NEDD4L: variants seen among roughly 807,000 people sequenced by gnomAD.
The protein encoded by NEDD4L is NEDD4 like E3 ubiquitin protein ligase, also known as E3 ubiquitin-protein ligase NEDD4-like.
In NEDD4L, 54 loss-of-function variants were observed where a neutral mutation model predicts 148.9. That is an observed-to-expected ratio of 0.36 (90% CI 0.29 to 0.45). The LOEUF is 0.45. Ranked by LOEUF, NEDD4L falls within the 20% of genes least tolerant of loss-of-function variation. The probability of loss-of-function intolerance (pLI) is 1.00; values close to 1 mark genes in which losing one functional copy is unlikely to be tolerated. For synonymous variants in NEDD4L, 433 were observed against 440.7 expected, an observed-to-expected ratio of 0.98 and a Z score of 0.22; for missense variants, 856 against 1,233.8, an observed-to-expected ratio of 0.69 and a Z score of 4.59.
At chr18:58,351,868 A>G (rs1318263639) in intron 18 of NEDD4L, among the ~76,000 whole-genome samples, 2 of 152,346 alleles carry the variant, frequency 1.3e-5, no homozygotes, top group Admixed American at 1.3e-4. Flanking sequence ...ACAATTTCAT[A>G]ACTAAACAAA....
chr18:58,050,798 G>A (rs550078069), intron 1 of NEDD4L, among the ~76,000 whole-genome samples: 1 of 152,170 alleles, frequency 6.6e-6, no homozygotes, highest in Non-Finnish European at 1.5e-5. Flanking sequence ...TTTGCTTAAA[G>A]GGTGAGGACA....
At chr18:58,161,594 C>T (rs2036225763) in intron 1 of NEDD4L, among the ~76,000 whole-genome samples, 1 of 151,958 alleles carries the variant, frequency 6.6e-6, no homozygotes, top group Non-Finnish European at 1.5e-5. Flanking sequence ...GCAGCTATAT[C>T]ATTGACATTT....
chr18:58,129,924 G>A (rs965443815), intron 1 of NEDD4L, among the ~76,000 whole-genome samples: 1 of 147,596 alleles, frequency 6.8e-6, no homozygotes, highest in Non-Finnish European at 1.5e-5. Context: ...TTGTGATCTA[G>A]TGGAACTGTG....
chr18:58,073,267 A>G (rs1332899976), intron 1 of NEDD4L, among the ~76,000 whole-genome samples: 1 of 152,180 alleles, frequency 6.6e-6, no homozygotes, highest in African/African-American at 2.4e-5. Flanking sequence ...TCACATGGAA[A>G]TGTAAGGGAC....
intron 5 of NEDD4L, among the ~76,000 whole-genome samples, chr18:58,276,212 T>TGGGGGGG (rs58442069): frequency 9.7e-6 from 1 of 103,444 alleles, no homozygotes; most frequent in African/African-American, 3.6e-5. Flanking sequence ...TTTTTTTTTT[T>TGGGGGGG]GGGTGGGGAG....
intron 30 of NEDD4L, 70 bp from the exon 31 acceptor site, chr18:58,396,097 C>A: frequency 2.0e-6 from 2 of 1,020,698 alleles, no homozygotes; most frequent in Non-Finnish European, 3.0e-6. Flanking sequence ...ACTCAAACCT[C>A]ATGCCCTATT....
At chr18:58,254,779 GCTGTGATAGCAGGAGGGCT>G (rs1188976862) in intron 5 of NEDD4L, among the ~76,000 whole-genome samples, 6 of 152,158 alleles carry the variant, frequency 3.9e-5, no homozygotes, top group Non-Finnish European at 8.8e-5. Flanking sequence ...AATGAAAAAT[GCTGTGATAGCAGGAGGGCT>G]CTGCTTGGCT....
At chr18:58,269,844 G>A (rs1303739029) in intron 5 of NEDD4L, among the ~76,000 whole-genome samples, 3 of 149,566 alleles carry the variant, frequency 2.0e-5, no homozygotes, top group Non-Finnish European at 4.5e-5. Flanking sequence ...TTCTAGAGGT[G>A]GGAGATGTCC....
intron 1 of NEDD4L, among the ~76,000 whole-genome samples, chr18:58,105,956 T>C (rs960475924): frequency 6.6e-6 from 1 of 152,136 alleles, no homozygotes; most frequent in Non-Finnish European, 1.5e-5. Context: ...TTCCAGAAAT[T>C]GTTATGAAAA....
At chr18:58,321,658 T>C (rs1369477922) in intron 6 of NEDD4L, among the ~76,000 whole-genome samples, 2 of 152,234 alleles carry the variant, frequency 1.3e-5, no homozygotes, top group African/African-American at 2.4e-5. Flanking sequence ...ACAAACCTGA[T>C]ACAGTAAATC....
At chr18:58,375,428 C>T (rs2047438537) in intron 24 of NEDD4L, among the ~76,000 whole-genome samples, 1 of 152,116 alleles carries the variant, frequency 6.6e-6, no homozygotes, top group South Asian at 2.1e-4. Context: ...ACTTGGCCAT[C>T]TTGTGACCTT....
intron 1 of NEDD4L, among the ~76,000 whole-genome samples, chr18:58,151,625 ATGTGTGTGTGTGTG>A (rs113714456): frequency 7.1e-6 from 1 of 141,080 alleles, no homozygotes; most frequent in East Asian, 2.1e-4. Context: ...GTGCCTGGAT[ATGTGTGTGTGTGTG>A]TGTGTGTGTG....
chr18:58,331,299 A>G (rs2059768697), intron 11 of NEDD4L, among the ~76,000 whole-genome samples: 1 of 152,228 alleles, frequency 6.6e-6, no homozygotes. Flanking sequence ...TAACAATTAA[A>G]AGCCATCAGG....
At chr18:58,131,607 G>A (rs901301801) in intron 1 of NEDD4L, among the ~76,000 whole-genome samples, 8 of 150,592 alleles carry the variant, frequency 5.3e-5, no homozygotes, top group African/African-American at 1.7e-4. Flanking sequence ...CTGTGGCAGT[G>A]TTGGCCTTTG....
intron 2 of NEDD4L, among the ~76,000 whole-genome samples, chr18:58,245,200 T>C (rs2148408072): frequency 6.6e-6 from 1 of 152,330 alleles, no homozygotes; most frequent in East Asian, 1.9e-4. Flanking sequence ...GTCTTTAAAA[T>C]TATATATATT....
chr18:58,383,710 C>A (rs1284442691), intron 25 of NEDD4L, among the ~76,000 whole-genome samples: 1 of 152,208 alleles, frequency 6.6e-6, no homozygotes. Flanking sequence ...CTCCCAACTT[C>A]TTTTCCATAA....
At chr18:58,331,761 T>C (rs1466251578) in intron 11 of NEDD4L, among the ~76,000 whole-genome samples, 1 of 152,162 alleles carries the variant, frequency 6.6e-6, no homozygotes, top group African/African-American at 2.4e-5. Flanking sequence ...AAAAAAATAG[T>C]CATTACTATG....
chr18:58,144,067 T>C lies in NEDD4L; in HGVS notation c.49-21721T>C, dbSNP rs187038832. On this transcript the variant is annotated intron_variant, in intron 1 of 30. Coordinates refer to ENST00000400345, the MANE Select transcript of NEDD4L (RefSeq NM_001144967.3). ...TCTTTGGCCAAGACAGAAAACATTC[T>C]GCCACACACATTACTTCATGACTCT... is the stretch of plus-strand genomic sequence containing the variant. 4.1e-3 allele frequency among the ~76,000 whole-genome samples: 615 copies of C among 151,812 alleles called. 3 individuals are homozygous for C. The highest frequency in any genetic ancestry group is 0.014 in the African/African-American group (582 of 41,338).
chr18:58,255,455 A>G (rs543541923), intron 5 of NEDD4L: 137 of 1,207,362 alleles, frequency 1.1e-4, no homozygotes, highest in Admixed American at 3.4e-4. Context: ...CTCTTATCCA[A>G]TCATGCCTGG....
Sources: gnomAD v4.1 joint callset for allele counts (sites outside exome capture counted in the v4.1 genomes callset) on GRCh38, gnomAD v4.1.1 for gene constraint, MANE v1.5 for transcripts, NCBI Gene and HGNC (gene_info 2026-07-23, HGNC 2026-07-21) for gene names.